Variants in MANSC1 observed in about 807,000 individuals in gnomAD.
MANSC1 encodes MANSC domain containing 1.
A neutral mutation model predicts 14.1 loss-of-function variants in MANSC1; 13 were observed. That is an observed-to-expected ratio of 0.92 (90% confidence interval 0.60 to 1.46). The LOEUF (loss-of-function observed/expected upper bound fraction) is 1.46, where lower values mean the gene tolerates loss of function less well. MANSC1 is among the 40% of genes most tolerant of loss of function. The probability of loss-of-function intolerance (pLI) is 0.00; values close to 1 mark genes in which losing one functional copy is unlikely to be tolerated. For missense variants in MANSC1, 486 were observed against 511.4 expected (o/e 0.95, Z 0.48); for synonymous variants, 227 against 200.7 (o/e 1.13, Z -1.11).
In MANSC1 at chr12:12,329,740, C is replaced by A. The variant is rs940261395; in HGVS notation, c.*287G>T. On this transcript the variant is annotated 3_prime_UTR_variant, in exon 4 of 4. Transcript: ENST00000535902. ...CTCTACTAAAAATACAAAAATCACCCAGGTGTGGTGGCACATGCCTGTAAT... is the reference window on the plus strand; with the variant it reads ...CTCTACTAAAAATACAAAAATCACCAAGGTGTGGTGGCACATGCCTGTAAT... The A allele has an allele frequency of 1.0e-5, 3 of 298,216 alleles. No individual in the cohort carries two copies. The highest frequency in any genetic ancestry group is 6.5e-5 in the African/African-American group (3 of 46,128). The allele number at this position is 298,216 out of a possible 1,614,324, so 18.5% of individuals were successfully genotyped here. A position where few individuals can be genotyped will look rare whatever the true frequency, so the allele number is the denominator to read the frequency against.
In MANSC1 at chr12:12,330,575, T is replaced by G. The variant is rs994737129; in HGVS notation, c.748A>C (p.Thr250Pro). The G allele has an allele frequency of 4.3e-6, 7 of 1,613,894 alleles. No individual in the cohort carries two copies. The highest frequency in any genetic ancestry group is 1.3e-5 in the African/African-American group (1 of 74,870). The change falls in exon 4 of 4, where the codon ACC (threonine) becomes CCC (proline). Residue 250 changes from threonine (T) to proline (P), a missense_variant. Thr to Pro is a conservative substitution (Grantham distance 38). Transcript: ENST00000535902. ...CCAGAAGGTGTCACTGAAGCATTGG[T>G]GGGTAGAAGGGTGGCGGGCTTTGGA... ...ATPKPATLLP[T>P]NASVTPSGTS...
chr12:12,335,814 C>T (rs1862851348), intron 3 of MANSC1, among the ~76,000 whole-genome samples: 1 of 151,542 alleles, frequency 6.6e-6, no homozygotes, highest in South Asian at 2.1e-4. Context: ...TGAACTCCAG[C>T]CTGGGTGAAA....
chr12:12,329,076 C>G lies in MANSC1; in HGVS notation c.*951G>C, dbSNP rs566581291. The G allele has an allele frequency of 2.6e-5, 4 of 151,646 alleles. No individual in the cohort carries two copies. The highest frequency in any genetic ancestry group is 9.7e-5 in the African/African-American group (4 of 41,170). The allele number at this position is 151,646 out of a possible 1,614,324, so 9.4% of individuals were successfully genotyped here. A position where few individuals can be genotyped will look rare whatever the true frequency, so the allele number is the denominator to read the frequency against. On this transcript the variant is annotated 3_prime_UTR_variant, in exon 4 of 4. Transcript: ENST00000535902. ...GGATATGGCCATTTATCAGAACTGA[C>G]TTATCATTGTCTCCATGTGGGCTAA...
intron 3 of MANSC1, among the ~76,000 whole-genome samples, chr12:12,331,548 G>A (rs1862789875): frequency 6.6e-6 from 1 of 152,214 alleles, no homozygotes; most frequent in South Asian, 2.1e-4. Flanking sequence ...GCTTCTGCAA[G>A]ACATGCCACC....
At chr12:12,348,938 T>C (rs1436071163) in intron 1 of MANSC1, among the ~76,000 whole-genome samples, 2 of 152,224 alleles carry the variant, frequency 1.3e-5, no homozygotes, top group Non-Finnish European at 2.9e-5. Flanking sequence ...CAAAAAGTTG[T>C]GGGACATAAT....
At chr12:12,344,443 A>G (rs1862977390) in intron 1 of MANSC1, among the ~76,000 whole-genome samples, 1 of 151,904 alleles carries the variant, frequency 6.6e-6, no homozygotes, top group African/African-American at 2.4e-5. Context: ...AAATGCGAAA[A>G]AGAGAGACTG....
chr12:12,335,949 G>A (rs539982750), intron 3 of MANSC1, among the ~76,000 whole-genome samples: 127 of 151,984 alleles, frequency 8.4e-4, no homozygotes, highest in African/African-American at 2.4e-3. Flanking sequence ...TTGAGAGGCC[G>A]AGGTGGGTGG....
rs757245644 is a variant in MANSC1, at chr12:12,327,301, C to T, written c.*2726G>A. The T allele has an allele frequency of 6.6e-6, 1 of 152,272 alleles. No individual in the cohort carries two copies. Among genetic ancestry groups the T allele is most frequent in the Non-Finnish European group, 1.5e-5 (1 of 68,114 alleles). The allele number at this position is 152,272 out of a possible 1,614,324, so 9.4% of individuals were successfully genotyped here. ...TAACCAGACTAGTCACTGCTGAATT[C>T]CTCTAAGGGATTCCCCTACCCTGAC... On this transcript the variant is annotated 3_prime_UTR_variant, in exon 4 of 4. Coordinates refer to ENST00000535902, the MANE Select transcript of MANSC1 (RefSeq NM_018050.4).
intron 2 of MANSC1, among the ~76,000 whole-genome samples, chr12:12,342,366 C>T (rs188717298): frequency 3.3e-5 from 5 of 152,250 alleles, no homozygotes; most frequent in South Asian, 2.1e-4. Flanking sequence ...TTAGAGAACT[C>T]GGACAGGGTC....
intron 3 of MANSC1, 133 bp downstream of exon 3, chr12:12,338,287 C>T: frequency 1.4e-6 from 1 of 718,132 alleles, no homozygotes; most frequent in Non-Finnish European, 2.1e-6. Flanking sequence ...AATTGAATTT[C>T]CAGTCATGAG....
Position 12,343,167 on chromosome 12 carries a change from T to A in MANSC1, c.148A>T (p.Arg50Ter). 6.2e-7 allele frequency: 1 copy of A among 1,614,084 alleles called. No homozygotes were observed. ...DIQSSLSKGI[R>*]GNEPVYTSTQ... Reference sequence around the variant, plus strand: ...GAAGTATATACGGGCTCATTGCCTCTGATTCCCTTAGAAAGAGATGACTGG... The same window carrying A: ...GAAGTATATACGGGCTCATTGCCTCAGATTCCCTTAGAAAGAGATGACTGG... Residue 50 changes from arginine (R) to a stop codon, truncating the protein, a stop_gained, in exon 2 of 4, where the codon AGA becomes TGA. Transcript: ENST00000535902. LOFTEE classifies it high-confidence loss of function.
At position 12,338,532 on chromosome 12, in the gene MANSC1, G is replaced by A. The variant is rs745838989; in HGVS notation, c.252C>T (p.Phe84=). Residue 84 remains phenylalanine (F), a synonymous_variant, in exon 3 of 4, where the codon TTC becomes TTT. Transcript: ENST00000535902. ...GTTGTCTAGCTGTTTTTCGAGTGTC[G>A]AAGATCATCAAGTTACATGCTTTGT... The part of the protein sequence containing the change: ...SGDKACNLMI[F]DTRKTARQPN... 1.7e-5 allele frequency: 28 copies of A among 1,613,028 alleles called. No homozygotes were observed. The highest frequency in any genetic ancestry group is 6.6e-5 in the South Asian group (6 of 90,890).
intron 2 of MANSC1, among the ~76,000 whole-genome samples, chr12:12,342,491 T>A (rs1862947018): frequency 6.6e-6 from 1 of 151,874 alleles, no homozygotes; most frequent in South Asian, 2.1e-4. Context: ...GGTCTCAGTT[T>A]CCTCCTGTGT....
At chr12:12,344,660 G>A (rs1244139893) in intron 1 of MANSC1, among the ~76,000 whole-genome samples, 1 of 150,480 alleles carries the variant, frequency 6.6e-6, no homozygotes, top group Non-Finnish European at 1.5e-5. Flanking sequence ...TAGTAGAGAC[G>A]GGGTTTCACT....
intron 1 of MANSC1, among the ~76,000 whole-genome samples, chr12:12,346,059 G>A (rs1408947663): frequency 4.6e-5 from 7 of 152,174 alleles, no homozygotes; most frequent in East Asian, 3.9e-4. Flanking sequence ...AGATCATGAG[G>A]TCAGGAGATC....
intron 1 of MANSC1, chr12:12,348,188 C>A (rs1863032563): frequency 6.6e-6 from 1 of 152,124 alleles, no homozygotes; most frequent in Non-Finnish European, 1.5e-5. Flanking sequence ...CCATACAATT[C>A]AGCAATTGTC....
intron 3 of MANSC1, among the ~76,000 whole-genome samples, chr12:12,332,233 A>G (rs975350384): frequency 6.6e-6 from 1 of 151,910 alleles, no homozygotes; most frequent in Non-Finnish European, 1.5e-5. Flanking sequence ...CAGTCCACTC[A>G]CTCCTGCTCT....
At chr12:12,347,274 C>T (rs1220212893) in intron 1 of MANSC1, among the ~76,000 whole-genome samples, 1 of 152,192 alleles carries the variant, frequency 6.6e-6, no homozygotes, top group East Asian at 1.9e-4. Context: ...GACAGATCAT[C>T]AGGCATTAGA....
intron 3 of MANSC1, among the ~76,000 whole-genome samples, chr12:12,337,249 C>T (rs1862870474): frequency 6.6e-6 from 1 of 151,994 alleles, no homozygotes; most frequent in Non-Finnish European, 1.5e-5. Flanking sequence ...TGCACTCCAG[C>T]CTGGGCGACA....
Sources: allele counts gnomAD v4.1 joint callset (sites outside exome capture counted in the v4.1 genomes callset), GRCh38; gene constraint gnomAD v4.1.1; transcripts MANE v1.5; gene names NCBI Gene and HGNC (gene_info 2026-07-23, HGNC 2026-07-21).